Variants in ZDHHC13 observed in about 807,000 individuals in gnomAD.
The protein encoded by ZDHHC13 is palmitoyltransferase ZDHHC13.
A neutral mutation model predicts 86.0 loss-of-function variants in ZDHHC13; 85 were observed. The observed-to-expected ratio is 0.99, with a 90% CI of 0.83 to 1.18. The LOEUF (loss-of-function observed/expected upper bound fraction) is 1.18. ZDHHC13 is among the 50% of genes most tolerant of loss of function. The pLI is 0.00. For synonymous variants in ZDHHC13, 263 were observed against 246.4 expected, an observed-to-expected ratio of 1.07 and a Z score of -0.63; for missense variants, 711 against 730.2, an observed-to-expected ratio of 0.97 and a Z score of 0.30.
intron 1 of ZDHHC13, among the ~76,000 whole-genome samples, chr11:19,139,954 T>G (rs1849264392): frequency 6.9e-6 from 1 of 145,888 alleles, no homozygotes. Flanking sequence ...CCTAAAACCA[T>G]AAAAACCCTA....
intron 10 of ZDHHC13, among the ~76,000 whole-genome samples, chr11:19,160,147 A>G (rs1297753389): frequency 1.3e-5 from 2 of 152,032 alleles, no homozygotes; most frequent in Non-Finnish European, 2.9e-5. Flanking sequence ...CTCAAAGTAC[A>G]TATGTCCACA....
chr11:19,120,972 G>A (rs140075359), intron 1 of ZDHHC13, among the ~76,000 whole-genome samples: 15 of 152,260 alleles, frequency 9.9e-5, no homozygotes, highest in Middle Eastern at 3.4e-3. Flanking sequence ...GGGCGTTAGT[G>A]AACATCTTGA....
rs1235285351 is a variant in ZDHHC13 at position 19,163,403 on chromosome 11, G to A, written c.1209G>A (p.Lys403=). ...GGGCAACTGATCCAGGCTTCACTAAGGCTTCTGAAGAAGAAAAGAAAGTGG... is the reference window on the plus strand; with the variant it reads ...GGGCAACTGATCCAGGCTTCACTAAAGCTTCTGAAGAAGAAAAGAAAGTGG... ...KTWATDPGFT[K]ASEEEKKVNI... is the part of the protein sequence containing the mutation. The change falls in exon 11 of 17, where the codon AAG becomes AAA. Residue 403 remains lysine (K), a synonymous_variant. Transcript: ENST00000446113. 2 of 1,598,474 alleles carry A rather than the reference G, an allele frequency of 1.3e-6. No homozygotes were observed. Among genetic ancestry groups the A allele is most frequent in the Non-Finnish European group, 1.7e-6 (2 of 1,174,606 alleles).
intron 1 of ZDHHC13, among the ~76,000 whole-genome samples, chr11:19,132,177 A>G (rs1849016016): frequency 6.6e-6 from 1 of 152,148 alleles, no homozygotes; most frequent in Admixed American, 6.5e-5. Flanking sequence ...GTTGATGAGT[A>G]TCTGGTATTT....
chr11:19,160,979 AC>A (rs1366128537), intron 10 of ZDHHC13, among the ~76,000 whole-genome samples: 1 of 151,960 alleles, frequency 6.6e-6, no homozygotes, highest in African/African-American at 2.4e-5. Flanking sequence ...TGCTTGTACA[AC>A]CTAAAGCCCT....
intron 1 of ZDHHC13, among the ~76,000 whole-genome samples, chr11:19,138,572 C>T (rs1181878731): frequency 6.6e-6 from 1 of 151,904 alleles, no homozygotes; most frequent in Non-Finnish European, 1.5e-5. Flanking sequence ...GTGAGGCCAG[C>T]ATCATCCTGA....
At chr11:19,152,357 T>A in intron 7 of ZDHHC13, 37 bp downstream of exon 7, 3 of 1,596,886 alleles carry the variant, frequency 1.9e-6, no homozygotes, top group Non-Finnish European at 2.6e-6. Flanking sequence ...GTTTATTATA[T>A]CTTGAGTTAG....
At chr11:19,132,165 A>G (rs557064098) in intron 1 of ZDHHC13, among the ~76,000 whole-genome samples, 2 of 152,280 alleles carry the variant, frequency 1.3e-5, no homozygotes, top group East Asian at 1.9e-4. Context: ...TTGTGAATGC[A>G]CGTTGATGAG....
At chr11:19,166,547 C>G (rs1323376516) in intron 14 of ZDHHC13, 162 bp downstream of exon 14, 1 of 497,474 alleles carries the variant, frequency 2.0e-6, no homozygotes, top group Non-Finnish European at 3.5e-6. Flanking sequence ...TGGGAAGCTG[C>G]AAGAAATACA....
chr11:19,132,930 GA>G (rs1849034368), intron 1 of ZDHHC13, among the ~76,000 whole-genome samples: 1 of 152,142 alleles, frequency 6.6e-6, no homozygotes, highest in African/African-American at 2.4e-5. Flanking sequence ...CACAGAAGTA[GA>G]AGGCTCTACT....
rs1849368404 is a variant in ZDHHC13 at position 19,143,108 on chromosome 11, T to C, written c.158T>C (p.Ile53Thr). ...ATAGAGGACTCTAGTAACTGTGACA[T>C]TGTCAAAGCTACTCAGTAAGTCTTC... is the stretch of plus-strand genomic sequence containing the variant. ...PLIEDSSNCDIVKATQYGIFE... is the reference protein window; with the variant it reads ...PLIEDSSNCDTVKATQYGIFE... The change falls in exon 2 of 17, where the codon ATT (isoleucine) becomes ACT (threonine). Residue 53 changes from isoleucine (I) to threonine (T), a missense_variant. Transcript: ENST00000446113. The C allele has an allele frequency of 3.1e-6, 5 of 1,612,242 alleles. No individual in the cohort carries two copies.
At chr11:19,147,381 A>G (rs1279309662) in intron 3 of ZDHHC13, among the ~76,000 whole-genome samples, 1 of 152,170 alleles carries the variant, frequency 6.6e-6, no homozygotes. Flanking sequence ...TTACAGCAGG[A>G]CTAATTACTT....
At chr11:19,153,209 A>AT (rs959979373) in intron 8 of ZDHHC13, among the ~76,000 whole-genome samples, 2 of 151,852 alleles carry the variant, frequency 1.3e-5, no homozygotes, top group African/African-American at 2.4e-5. Flanking sequence ...AATTTTATTC[A>AT]TTTTTTTTAG....
At position 19,165,070 on chromosome 11, in the gene ZDHHC13, T is replaced by C; in HGVS notation, c.1315T>C (p.Ser439Pro). Residue 439 changes from serine (S) to proline (P), a missense_variant, in exon 13 of 17, where the codon TCA (serine) becomes CCA (proline). By Grantham distance (74) the Ser-to-Pro change is moderately conservative. Transcript: ENST00000446113. The stretch of plus-strand genomic sequence containing the variant: ...CACTTAGATAAGGAAGCCATTAAGG[T>C]CACTCCACTGCCATGTATGCAACTG... Reference protein sequence around the residue: ...TSCLIRKPLRSLHCHVCNCCV... With the variant: ...TSCLIRKPLRPLHCHVCNCCV... 6.2e-7 allele frequency: 1 copy of C among 1,612,800 alleles called. No individual in the cohort carries two copies. The highest frequency in any genetic ancestry group is 8.5e-7 in the Non-Finnish European group (1 of 1,179,362).
intron 16 of ZDHHC13, 145 bp downstream of exon 16, chr11:19,172,965 T>G: frequency 3.0e-6 from 2 of 661,254 alleles, no homozygotes; most frequent in Non-Finnish European, 2.4e-6. Context: ...TAGAGAAGCT[T>G]TAGTGATGGG....
intron 1 of ZDHHC13, among the ~76,000 whole-genome samples, chr11:19,140,272 T>C (rs1849276095): frequency 6.6e-6 from 1 of 151,986 alleles, no homozygotes; most frequent in South Asian, 2.1e-4. Flanking sequence ...AACAGACACT[T>C]CTCAAAAGAA....
rs1287651078 is a variant in ZDHHC13 at position 19,169,611 on chromosome 11, C to G, written c.1475-800C>G. 5.1e-6 allele frequency: 5 copies of G among 985,262 alleles called. No homozygotes were observed. In the African/African-American group the frequency reaches 5.2e-5, roughly 10 times the overall value. The allele number at this position is 985,262 out of a possible 1,614,324, so 61.0% of individuals were successfully genotyped here. The stretch of plus-strand genomic sequence containing the variant: ...GAATTATCTTTTAAAAATAATTCAC[C>G]CTTTATGCATGGGCAGGGTGCCTGT... On this transcript the variant is annotated intron_variant, in intron 14 of 16. Coordinates refer to ENST00000446113, the MANE Select transcript of ZDHHC13 (RefSeq NM_019028.3).
chr11:19,141,672 G>A (rs1407584747), intron 1 of ZDHHC13, among the ~76,000 whole-genome samples: 1 of 112,848 alleles, frequency 8.9e-6, no homozygotes, highest in Admixed American at 1.2e-4. Context: ...AGATTTTTGT[G>A]GGCTTTTTTT....
intron 1 of ZDHHC13, among the ~76,000 whole-genome samples, chr11:19,128,558 A>C (rs1298022624): frequency 6.6e-6 from 1 of 152,184 alleles, no homozygotes; most frequent in Non-Finnish European, 1.5e-5. Context: ...TTTCTAAAAA[A>C]TATTTAAAAA....
Sources: allele counts gnomAD v4.1 joint callset (sites outside exome capture counted in the v4.1 genomes callset), GRCh38; gene constraint gnomAD v4.1.1; transcripts MANE v1.5; gene names NCBI Gene and HGNC (gene_info 2026-07-23, HGNC 2026-07-21).